RPS6KA5: variants seen among roughly 807,000 people sequenced by gnomAD.
RPS6KA5 encodes ribosomal protein S6 kinase A5.
Under a neutral mutation model 85.5 loss-of-function variants are expected in RPS6KA5, and 27 were observed. That is an observed-to-expected ratio of 0.32 (90% CI 0.23 to 0.44). The LOEUF is 0.44. Ranked by LOEUF, RPS6KA5 falls within the 20% of genes least tolerant of loss-of-function variation. The pLI is 1.00. For synonymous variants in RPS6KA5, 334 were observed against 348.2 expected (o/e 0.96, Z 0.46); for missense variants, 811 against 980.9 (o/e 0.83, Z 2.31).
chr14:90,906,356 G>T, intron 7 of RPS6KA5, 57 bp from the exon 8 acceptor site: 1 of 1,101,352 alleles, frequency 9.1e-7, no homozygotes, highest in Non-Finnish European at 1.3e-6. Context: ...AAAAAAAAAA[G>T]CATGGTGAAA....
chr14:90,873,414 G>A (rs1413392406), intron 16 of RPS6KA5, among the ~76,000 whole-genome samples: 1 of 152,152 alleles, frequency 6.6e-6, no homozygotes. Context: ...AATTAAATAT[G>A]TATTTTGTGG....
Position 90,871,929 on chromosome 14 carries a change from C to A in RPS6KA5, c.*145G>T. 1 of 1,060,332 alleles carries A rather than the reference C, an allele frequency of 9.4e-7. No homozygotes were observed. The allele number at this position is 1,060,332 out of a possible 1,614,324, so 65.7% of individuals were successfully genotyped here. A position where few individuals can be genotyped will look rare whatever the true frequency, so the allele number is the denominator to read the frequency against. ...GTCCAGTGCTTTTGAATGAGGATAA[C>A]CAAACAGGTTTTCCTGAAAAAAATC... On this transcript the variant is annotated 3_prime_UTR_variant, in exon 17 of 17. Transcript: ENST00000614987.
At chr14:91,032,478 C>T (rs2139844388) in intron 1 of RPS6KA5, among the ~76,000 whole-genome samples, 1 of 152,236 alleles carries the variant, frequency 6.6e-6, no homozygotes, top group Non-Finnish European at 1.5e-5. Flanking sequence ...AGTTCCTCCC[C>T]ACAAAGCACA....
intron 1 of RPS6KA5, among the ~76,000 whole-genome samples, chr14:91,044,267 GAGAGAGAAAGAAAGAGA>G (rs2042720466): frequency 6.9e-5 from 1 of 14,412 alleles, no homozygotes. Context: ...GAGAGGGAGA[GAGAGAGAAAGAAAGAGA>G]GAGAGAGAGA....
At chr14:91,012,264 T>C (rs2041292553) in intron 1 of RPS6KA5, among the ~76,000 whole-genome samples, 1 of 152,258 alleles carries the variant, frequency 6.6e-6, no homozygotes, top group African/African-American at 2.4e-5. Flanking sequence ...ACTTTTGGTA[T>C]TAATGAAATC....
chr14:90,957,385 CTTTAT>C (rs1171068052), intron 3 of RPS6KA5, among the ~76,000 whole-genome samples: 1 of 152,122 alleles, frequency 6.6e-6, no homozygotes, highest in Non-Finnish European at 1.5e-5. Flanking sequence ...GTTATTTTTT[CTTTAT>C]TTAATAACTT....
At chr14:90,949,696 G>C (rs1162504263) in intron 3 of RPS6KA5, among the ~76,000 whole-genome samples, 1 of 152,188 alleles carries the variant, frequency 6.6e-6, no homozygotes, top group Non-Finnish European at 1.5e-5. Context: ...CTAGACAATG[G>C]CTCCACAGCT....
intron 1 of RPS6KA5, among the ~76,000 whole-genome samples, chr14:91,025,094 G>C (rs1473453104): frequency 6.6e-6 from 1 of 152,060 alleles, no homozygotes; most frequent in Non-Finnish European, 1.5e-5. Context: ...GCCCAGGCTG[G>C]AGTGCAGTGG....
chr14:90,857,770 A>C lies in RPS6KA5; in HGVS notation c.*14304T>G, dbSNP rs2032358846. 6.6e-6 allele frequency: 1 copy of C among 152,226 alleles called. No homozygotes were observed. The highest frequency in any genetic ancestry group is 6.5e-5 in the Admixed American group (1 of 15,282). 9.4% of individuals were successfully genotyped at this position (152,226 alleles called of 1,614,324 possible). On this transcript the variant is annotated 3_prime_UTR_variant, in exon 17 of 17. Transcript: ENST00000614987. Reference sequence around the variant, plus strand: ...ACAAGAAAAGTCTATTTTAATTACCACAAGTCCGACTCGGCAACCATTTAG... The same window carrying C: ...ACAAGAAAAGTCTATTTTAATTACCCCAAGTCCGACTCGGCAACCATTTAG...
chr14:90,962,213 T>C (rs2038832871), intron 3 of RPS6KA5, among the ~76,000 whole-genome samples: 2 of 152,118 alleles, frequency 1.3e-5, no homozygotes, highest in African/African-American at 4.8e-5. Context: ...TTCTTATTAT[T>C]GTTAGTCTAG....
In RPS6KA5 at chr14:90,924,186, A is replaced by G. The variant is rs190655788; in HGVS notation, c.619-990T>C. ...AGAATAGTAGTAAATAAAGACAAAC[A>G]TCTCTTAATTCTCTCAATTATTTTA... On this transcript the variant is annotated intron_variant, in intron 5 of 16. Transcript: ENST00000614987. Among the ~76,000 whole-genome samples the G allele has an allele frequency of 1.2e-3, 178 of 152,240 alleles. 1 individual carries two copies. In the East Asian group the frequency reaches 0.013, roughly 11 times the overall value.
At chr14:90,915,828 A>C (rs993873240) in intron 7 of RPS6KA5, among the ~76,000 whole-genome samples, 1 of 151,688 alleles carries the variant, frequency 6.6e-6, no homozygotes, top group African/African-American at 2.4e-5. Context: ...TAAATAAATA[A>C]ATAAAATAAA....
intron 7 of RPS6KA5, among the ~76,000 whole-genome samples, chr14:90,918,434 A>C (rs1215834132): frequency 6.6e-6 from 1 of 152,210 alleles, no homozygotes; most frequent in Non-Finnish European, 1.5e-5. Context: ...CCAGTCCTTC[A>C]GCAGACATAT....
chr14:90,944,677 C>T (rs1410854100), intron 4 of RPS6KA5, among the ~76,000 whole-genome samples: 1 of 151,912 alleles, frequency 6.6e-6, no homozygotes, highest in African/African-American at 2.4e-5. Flanking sequence ...ATCACTTGAA[C>T]CCGGGAGGTG....
chr14:90,863,326 A>AAAAAAAAAAAAAAAAG lies in RPS6KA5; in HGVS notation c.*8747_*8748insCTTTTTTTTTTTTTTT, dbSNP rs1566662643. 2 of 141,492 alleles carry AAAAAAAAAAAAAAAAG rather than the reference A, an allele frequency of 1.4e-5. No homozygotes were observed. Among genetic ancestry groups the AAAAAAAAAAAAAAAAG allele is most frequent in the African/African-American group, 2.8e-5 (1 of 35,476 alleles). The allele number at this position is 141,492 out of a possible 1,614,324, so 8.8% of individuals were successfully genotyped here. ...TCAAAAAAAAAAAAAAAAAAAAAAA[A>AAAAAAAAAAAAAAAAG]AAAAGAAAAGAAAAGAAAAAAATAT... On this transcript the variant is annotated 3_prime_UTR_variant, in exon 17 of 17. Transcript: ENST00000614987.
intron 5 of RPS6KA5, among the ~76,000 whole-genome samples, chr14:90,935,956 C>CT (rs140981520): frequency 1.3e-5 from 2 of 152,114 alleles, no homozygotes; most frequent in Non-Finnish European, 2.9e-5. Context: ...TTTACCAACA[C>CT]TTTTTTTAAC....
Position 90,871,989 on chromosome 14 carries a change from A to C in RPS6KA5, c.*85T>G. The stretch of plus-strand genomic sequence containing the variant: ...CAGATTCCAATGAGACCAACGGGAA[A>C]CATTTTTAAAAGCATAAAAGATCGC... On this transcript the variant is annotated 3_prime_UTR_variant, in exon 17 of 17. Coordinates refer to ENST00000614987, the MANE Select transcript of RPS6KA5 (RefSeq NM_004755.4). 2 of 1,500,016 alleles carry C rather than the reference A, an allele frequency of 1.3e-6. No individual in the cohort carries two copies. Among genetic ancestry groups the C allele is most frequent in the Non-Finnish European group, 1.8e-6 (2 of 1,120,004 alleles). 92.9% of individuals were successfully genotyped at this position (1,500,016 alleles called of 1,614,324 possible).
chr14:90,967,731 G>A (rs1186429915), intron 3 of RPS6KA5, among the ~76,000 whole-genome samples: 15 of 152,138 alleles, frequency 9.9e-5, no homozygotes, highest in Admixed American at 9.8e-4. Context: ...AGATTTTTAT[G>A]TTCTGGTATT....
rs2032617799 is a variant in RPS6KA5, at chr14:90,862,656, GTCTC to G, written c.*9414_*9417del. ...CTAATTAATCTTTTGTAGAGATGAG[GTCTC>G]TCTATGTTGCCCAGGCTGGTCTCCA... is the stretch of plus-strand genomic sequence containing the variant. On this transcript the variant is annotated 3_prime_UTR_variant, in exon 17 of 17. Coordinates refer to ENST00000614987, the MANE Select transcript of RPS6KA5 (RefSeq NM_004755.4). The G allele has an allele frequency of 6.6e-6, 1 of 152,108 alleles. No individual in the cohort carries two copies. The highest frequency in any genetic ancestry group is 1.5e-5 in the Non-Finnish European group (1 of 68,054). 9.4% of individuals were successfully genotyped at this position (152,108 alleles called of 1,614,324 possible). A position where few individuals can be genotyped will look rare whatever the true frequency, so the allele number is the denominator to read the frequency against.
Sources: gnomAD v4.1 joint callset for allele counts (sites outside exome capture counted in the v4.1 genomes callset) on GRCh38, gnomAD v4.1.1 for gene constraint, MANE v1.5 for transcripts, NCBI Gene and HGNC (gene_info 2026-07-23, HGNC 2026-07-21) for gene names.